Variants in MAGI2 observed in about 807,000 individuals in gnomAD.
MAGI2 encodes the protein membrane-associated guanylate kinase, WW and PDZ domain-containing protein 2.
MAGI2 carries 35 observed loss-of-function variants against 133.3 expected under a neutral mutation model. The observed-to-expected ratio is 0.26, with a 90% CI of 0.20 to 0.35. MAGI2 has a LOEUF of 0.35. Among genes scored for constraint, MAGI2 ranks in the 10% least tolerant of loss-of-function variants. MAGI2 has a pLI of 1.00. For missense variants in MAGI2, 1,636 were observed against 1,863.4 expected, an observed-to-expected ratio of 0.88 and a Z score of 2.25; for synonymous variants, 729 against 710.6, an observed-to-expected ratio of 1.03 and a Z score of -0.41.
chr7:79,137,741 G>T (rs1821726594), intron 1 of MAGI2, among the ~76,000 whole-genome samples: 1 of 152,034 alleles, frequency 6.6e-6, no homozygotes, highest in Non-Finnish European at 1.5e-5. Context: ...GGGATTACGG[G>T]CATAAGCCAC....
chr7:78,140,883 A>G (rs1822673738), intron 16 of MAGI2, among the ~76,000 whole-genome samples: 1 of 152,194 alleles, frequency 6.6e-6, no homozygotes, highest in Admixed American at 6.5e-5. Flanking sequence ...TGGGGAGACC[A>G]GGGATAAATT....
At chr7:78,632,716 C>CACTT (rs966381278) in intron 2 of MAGI2, among the ~76,000 whole-genome samples, 2 of 152,158 alleles carry the variant, frequency 1.3e-5, no homozygotes, top group Non-Finnish European at 2.9e-5. Context: ...TATACACAGA[C>CACTT]ACTTACATGT....
At chr7:78,636,030 A>G (rs1436892315) in intron 2 of MAGI2, among the ~76,000 whole-genome samples, 5 of 152,200 alleles carry the variant, frequency 3.3e-5, no homozygotes, top group African/African-American at 4.8e-5. Context: ...GGCCTTATAG[A>G]TTTCCTGTTA....
At chr7:78,170,186 CT>C (rs1485999988) in intron 14 of MAGI2, 1 of 152,152 alleles carries the variant, frequency 6.6e-6, no homozygotes, top group Non-Finnish European at 1.5e-5. Flanking sequence ...CTGATTCTAA[CT>C]GATGAAAGTA....
chr7:79,049,544 C>A (rs1277670283), intron 1 of MAGI2, among the ~76,000 whole-genome samples: 1 of 152,036 alleles, frequency 6.6e-6, no homozygotes. Context: ...CTTGATTAAT[C>A]CAGCTTTGAT....
intron 1 of MAGI2, among the ~76,000 whole-genome samples, chr7:79,264,925 A>G (rs938554360): frequency 6.6e-6 from 1 of 152,042 alleles, no homozygotes; most frequent in Non-Finnish European, 1.5e-5. Flanking sequence ...CAGTTCTCAA[A>G]AGAACTAATA....
At chr7:78,268,702 C>T (rs73150264) in intron 9 of MAGI2, among the ~76,000 whole-genome samples, 29,945 of 152,082 alleles carry the variant, frequency 0.2, 3,346 homozygotes, top group South Asian at 0.31. Flanking sequence ...TTTCTTAAGA[C>T]AGGCTAAAAT....
At chr7:78,957,147 C>T (rs750803322) in intron 2 of MAGI2, among the ~76,000 whole-genome samples, 2 of 151,234 alleles carry the variant, frequency 1.3e-5, no homozygotes, top group Non-Finnish European at 2.9e-5. Flanking sequence ...ACCTGTAGTC[C>T]CAGCTACTTC....
intron 9 of MAGI2, among the ~76,000 whole-genome samples, chr7:78,279,656 T>C (rs1795367340): frequency 6.6e-6 from 1 of 152,074 alleles, no homozygotes; most frequent in Non-Finnish European, 1.5e-5. Flanking sequence ...CATGTTCCTG[T>C]GTTCAGATCC....
chr7:78,856,942 T>C (rs1793699893), intron 2 of MAGI2, among the ~76,000 whole-genome samples: 1 of 152,200 alleles, frequency 6.6e-6, no homozygotes, highest in Non-Finnish European at 1.5e-5. Context: ...CAGTGGTTTG[T>C]AGTTCTCCTT....
chr7:78,232,451 T>C (rs1453346416), intron 10 of MAGI2, among the ~76,000 whole-genome samples: 2 of 152,196 alleles, frequency 1.3e-5, no homozygotes, highest in African/African-American at 2.4e-5. Context: ...GGGAAACAAA[T>C]TGTCCGCTCA....
chr7:78,322,903 G>T (rs534352260), intron 9 of MAGI2, among the ~76,000 whole-genome samples: 1 of 152,102 alleles, frequency 6.6e-6, no homozygotes, highest in East Asian at 1.9e-4. Context: ...ATATGTTTCA[G>T]TTTTCTGGTA....
At chr7:78,548,966 T>C (rs906687239) in intron 3 of MAGI2, among the ~76,000 whole-genome samples, 4 of 152,226 alleles carry the variant, frequency 2.6e-5, no homozygotes, top group African/African-American at 9.7e-5. Flanking sequence ...TGTGCCCTTT[T>C]TACTATTCAT....
intron 6 of MAGI2, among the ~76,000 whole-genome samples, chr7:78,417,966 A>G (rs1225798245): frequency 6.6e-6 from 1 of 152,120 alleles, no homozygotes; most frequent in Non-Finnish European, 1.5e-5. Context: ...GGACCTGGTC[A>G]TGGCTCTCCA....
intron 1 of MAGI2, among the ~76,000 whole-genome samples, chr7:79,069,000 T>C (rs1170969620): frequency 6.6e-6 from 1 of 152,112 alleles, no homozygotes; most frequent in Non-Finnish European, 1.5e-5. Flanking sequence ...AGTTTTTTTT[T>C]TTTTTACTTC....
At chr7:78,488,231 A>C (rs17435216) in intron 6 of MAGI2, among the ~76,000 whole-genome samples, 21,999 of 152,020 alleles carry the variant, frequency 0.14, 1,998 homozygotes, top group Non-Finnish European at 0.21. Flanking sequence ...ATCATATTTT[A>C]GGCACCTACC....
At position 78,978,019 on chromosome 7, in the gene MAGI2, A is replaced by G. The variant is rs532384473; in HGVS notation, c.418+29071T>C. 6.2e-4 allele frequency among the ~76,000 whole-genome samples: 93 copies of G among 151,108 alleles called. 1 individual carries two copies. In the South Asian group the frequency reaches 9.7e-3, roughly 16 times the overall value. On this transcript the variant is annotated intron_variant, in intron 2 of 21. Transcript: ENST00000354212. ...AATGGCTAAAATTCAAAAAACTGAC[A>G]GTAACAATTGTCAGCAAAATGTGGA...
chr7:78,134,916 A>G, intron 17 of MAGI2, 105 bp downstream of exon 17: 1 of 928,384 alleles, frequency 1.1e-6, no homozygotes. Flanking sequence ...CACCACAGTG[A>G]CGGCAGGCAG....
chr7:79,286,563 T>C (rs1435423366), intron 1 of MAGI2, among the ~76,000 whole-genome samples: 3 of 148,718 alleles, frequency 2.0e-5, no homozygotes, highest in African/African-American at 7.4e-5. Context: ...TATCTAGTGA[T>C]ATTCATGTAA....
Sources: gnomAD v4.1 joint callset for allele counts (sites outside exome capture counted in the v4.1 genomes callset) on GRCh38, gnomAD v4.1.1 for gene constraint, MANE v1.5 for transcripts, NCBI Gene and HGNC (gene_info 2026-07-23, HGNC 2026-07-21) for gene names.